The following CELF2 variants were observed in gnomAD, a reference collection of about 807,000 sequenced individuals.
CELF2 encodes CUG triplet repeat RNA-binding protein 2.
Under a neutral mutation model 62.6 loss-of-function variants are expected in CELF2, and 8 were observed. The ratio of observed to expected loss-of-function variants is 0.13; its 90% CI spans 0.07 to 0.23. CELF2 has a LOEUF of 0.23. Among genes scored for constraint, CELF2 ranks in the 10% least tolerant of loss-of-function variants. The pLI, the probability that CELF2 is intolerant of heterozygous loss-of-function variation, is 1.00. For synonymous variants in CELF2, 258 were observed against 250.0 expected (o/e 1.03, Z -0.30); for missense variants, 333 against 671.0 (o/e 0.50, Z 5.56).
chr10:10,974,623 A>G (rs1250571075), intron 2 of CELF2, among the ~76,000 whole-genome samples: 2 of 152,240 alleles, frequency 1.3e-5, no homozygotes, highest in African/African-American at 4.8e-5. Context: ...CCTGAAGCTT[A>G]CTTCACTAAG....
intron 2 of CELF2, among the ~76,000 whole-genome samples, chr10:10,978,932 TC>T (rs2051704183): frequency 6.6e-6 from 1 of 152,244 alleles, no homozygotes; most frequent in African/African-American, 2.4e-5. Flanking sequence ...GAATTTGGGC[TC>T]CTTGGCAGGA....
Position 11,178,350 on chromosome 10 carries a change from G to C in CELF2, c.271+12668G>C, listed in dbSNP as rs2072004273. Among the ~76,000 whole-genome samples the C allele has an allele frequency of 6.6e-6, 1 of 152,302 alleles. No individual in the cohort carries two copies. Among genetic ancestry groups the C allele is most frequent in the Non-Finnish European group, 1.5e-5 (1 of 68,024 alleles). Reference sequence around the variant, plus strand: ...TAGCTGTTCTGCAAGTCCAGCACAGGGTGTATTCAGCTCTAGAGGTGGCAA... The same window carrying C: ...TAGCTGTTCTGCAAGTCCAGCACAGCGTGTATTCAGCTCTAGAGGTGGCAA... On this transcript the variant is annotated intron_variant, in intron 2 of 12. Transcript: ENST00000633077. The surrounding 1 kb of genome is among the most constrained non-coding windows in gnomAD (Gnocchi z 4.3).
chr10:10,793,940 T>C (rs1196780015), upstream of CELF2, among the ~76,000 whole-genome samples: 1 of 152,186 alleles, frequency 6.6e-6, no homozygotes, highest in Non-Finnish European at 1.5e-5. Flanking sequence ...GAACCCAAAG[T>C]TGAATTTCAG....
At chr10:10,675,107 T>A in the CELF2 span, among the ~76,000 whole-genome samples, 1 of 152,208 alleles carries the variant, frequency 6.6e-6, no homozygotes, top group Non-Finnish European at 1.5e-5. Flanking sequence ...TGGATCTGAG[T>A]TCTGACTTAC....
At chr10:10,759,684 A>G in the CELF2 span, among the ~76,000 whole-genome samples, 3 of 151,818 alleles carry the variant, frequency 2.0e-5, no homozygotes, top group African/African-American at 7.3e-5. Flanking sequence ...CCCTAACAAC[A>G]CATAGGAGAA....
At chr10:10,863,376 C>A (rs2060158183) in intron 1 of CELF2, among the ~76,000 whole-genome samples, 1 of 152,180 alleles carries the variant, frequency 6.6e-6, no homozygotes, top group Admixed American at 6.5e-5. Flanking sequence ...TTTACTATTT[C>A]TTCCAAGTGC....
intron 2 of CELF2, among the ~76,000 whole-genome samples, chr10:11,210,432 T>G (rs1589121860): frequency 1.3e-5 from 2 of 152,316 alleles, no homozygotes; most frequent in Middle Eastern, 6.8e-3. Context: ...CGGAAATACT[T>G]TTTATTTGAC....
At chr10:10,623,513 A>G in the CELF2 span, among the ~76,000 whole-genome samples, 2 of 152,154 alleles carry the variant, frequency 1.3e-5, no homozygotes, top group African/African-American at 4.8e-5. Flanking sequence ...CTGTCACTCT[A>G]TTTTCCCTGG....
chr10:11,179,408 G>T (rs940349470), intron 2 of CELF2, among the ~76,000 whole-genome samples: 1 of 152,208 alleles, frequency 6.6e-6, no homozygotes, highest in Non-Finnish European at 1.5e-5. Context: ...CTTGCTGAAG[G>T]ACTGTATCTT....
rs888661958 is a variant in CELF2 at position 11,214,649 on chromosome 10, C to T, written c.272-2776C>T. On this transcript the variant is annotated intron_variant, in intron 2 of 12. Coordinates refer to ENST00000633077, the MANE Select transcript of CELF2 (RefSeq NM_001326342.2). This position sits in a 1 kb window ranked among gnomAD's most constrained non-coding sequence, Gnocchi z 4.2. ...CTGTGCTGGGGCTCAGCTCTTGGGTCGGACAGATGAACGGTAAGGCACATT... is the reference window on the plus strand; with the variant it reads ...CTGTGCTGGGGCTCAGCTCTTGGGTTGGACAGATGAACGGTAAGGCACATT... 6.6e-6 allele frequency among the ~76,000 whole-genome samples: 1 copy of T among 152,138 alleles called. No individual in the cohort carries two copies. Among genetic ancestry groups the T allele is most frequent in the South Asian group, 2.1e-4 (1 of 4,826 alleles).
chr10:10,694,522 C>T, the CELF2 span, among the ~76,000 whole-genome samples: 349 of 152,152 alleles, frequency 2.3e-3, 1 homozygote, highest in African/African-American at 7.7e-3. Flanking sequence ...TAGATGTCTA[C>T]TAGGTCTGCT....
rs2095047755 is a variant in CELF2, at chr10:11,316,945, G to GTAA, written c.1096+2688_1096+2689insAAT. On this transcript the variant is annotated intron_variant, in intron 10 of 12. Coordinates refer to ENST00000633077, the MANE Select transcript of CELF2 (RefSeq NM_001326342.2). The surrounding 1 kb of genome is among the most constrained non-coding windows in gnomAD (Gnocchi z 4.4). Reference sequence around the variant, plus strand: ...ATCCAGATCAGAAGAAGGAACACATGTGATTGACCATCAGAGTGTTCACCT... The same window carrying GTAA: ...ATCCAGATCAGAAGAAGGAACACATGTAATGATTGACCATCAGAGTGTTCACCT... 1 of 152,348 alleles carries GTAA rather than the reference G, an allele frequency of 6.6e-6. No homozygotes were observed. The highest frequency in any genetic ancestry group is 1.5e-5 in the Non-Finnish European group (1 of 68,032). 9.4% of individuals were successfully genotyped at this position (152,348 alleles called of 1,614,324 possible). A position where few individuals can be genotyped will look rare whatever the true frequency, so the allele number is the denominator to read the frequency against.
the CELF2 span, among the ~76,000 whole-genome samples, chr10:10,646,873 G>A: frequency 6.6e-6 from 1 of 152,178 alleles, no homozygotes; most frequent in African/African-American, 2.4e-5. Flanking sequence ...AAGCCCAGAA[G>A]GGTGAAACAG....
At chr10:11,056,188 C>G (rs1330882291) in intron 1 of CELF2, among the ~76,000 whole-genome samples, 1 of 152,178 alleles carries the variant, frequency 6.6e-6, no homozygotes, top group East Asian at 1.9e-4. Flanking sequence ...CTATAAAGCT[C>G]TTTAAAATGT....
At chr10:10,568,046 A>G in the CELF2 span, among the ~76,000 whole-genome samples, 55 of 152,314 alleles carry the variant, frequency 3.6e-4, no homozygotes, top group African/African-American at 1.3e-3. Context: ...AAAGAAAAAC[A>G]AAATAATTAC....
chr10:11,234,575 G>A (rs2070310024), intron 3 of CELF2, among the ~76,000 whole-genome samples: 2 of 129,648 alleles, frequency 1.5e-5, no homozygotes, highest in South Asian at 2.8e-4. Context: ...CCAGCTAATC[G>A]GGAGGTTGAG....
At chr10:11,180,886 TA>T (rs1354583499) in intron 2 of CELF2, among the ~76,000 whole-genome samples, 2 of 152,178 alleles carry the variant, frequency 1.3e-5, no homozygotes, top group African/African-American at 4.8e-5. Context: ...TTTATTTATT[TA>T]AAGACCAAGT....
At chr10:10,536,845 C>T in the CELF2 span, among the ~76,000 whole-genome samples, 10 of 152,280 alleles carry the variant, frequency 6.6e-5, no homozygotes, top group East Asian at 3.9e-4. Flanking sequence ...GGAGGAACTA[C>T]GGGCATCAGT....
chr10:10,719,900 G>A, the CELF2 span, among the ~76,000 whole-genome samples: 2 of 152,222 alleles, frequency 1.3e-5, no homozygotes. Context: ...AACCTAGTCT[G>A]AAAGAGACAA....
Sources: allele counts gnomAD v4.1 joint callset (sites outside exome capture counted in the v4.1 genomes callset), GRCh38; gene constraint gnomAD v4.1.1; non-coding constraint Gnocchi (gnomAD v3.1); transcripts MANE v1.5; gene names NCBI Gene and HGNC (gene_info 2026-07-23, HGNC 2026-07-21).